The following ULK4 variants were observed in gnomAD, a reference collection of about 807,000 sequenced individuals.
ULK4 encodes inactive serine/threonine-protein kinase ULK4.
In ULK4, 133 loss-of-function variants were observed where a neutral mutation model predicts 160.6. The observed-to-expected ratio is 0.83, with a 90% CI of 0.72 to 0.96. The LOEUF is 0.96. Ranked by LOEUF, ULK4 falls within the 40% of genes least tolerant of loss-of-function variation. The pLI, the probability that ULK4 is intolerant of heterozygous loss-of-function variation, is 0.00. For missense variants in ULK4, 1,580 were observed against 1,499.5 expected (o/e 1.05, Z -0.89); for synonymous variants, 534 against 539.8 (o/e 0.99, Z 0.15).
At chr3:41,814,019 C>T (rs910021751) in intron 19 of ULK4, among the ~76,000 whole-genome samples, 8 of 152,048 alleles carry the variant, frequency 5.3e-5, no homozygotes, top group African/African-American at 1.9e-4. Context: ...TGGGGTAGAC[C>T]GCTGCCAAAG....
intron 12 of ULK4, among the ~76,000 whole-genome samples, chr3:41,901,305 G>A (rs1280551418): frequency 2.0e-5 from 3 of 146,450 alleles, no homozygotes; most frequent in South Asian, 2.2e-4. Context: ...TCAGCCTCCC[G>A]AGTAGCTGGG....
chr3:41,733,680 G>T (rs934924345), intron 22 of ULK4, among the ~76,000 whole-genome samples: 38 of 144,638 alleles, frequency 2.6e-4, no homozygotes, highest in Non-Finnish European at 4.3e-4. Context: ...TGAAAAATTA[G>T]ACTTTCATAT....
intron 34 of ULK4, among the ~76,000 whole-genome samples, chr3:41,449,547 C>A (rs2083379671): frequency 6.6e-6 from 1 of 152,062 alleles, no homozygotes; most frequent in African/African-American, 2.4e-5. Flanking sequence ...AAAAAGACTA[C>A]TACTACCCCT....
At chr3:41,273,004 T>G (rs1448702858) in intron 35 of ULK4, among the ~76,000 whole-genome samples, 1 of 152,234 alleles carries the variant, frequency 6.6e-6, no homozygotes, top group East Asian at 1.9e-4. Context: ...CATCCTTGCC[T>G]GCCCATTCTA....
At chr3:41,893,109 A>G (rs1217768162) in intron 16 of ULK4, among the ~76,000 whole-genome samples, 1 of 152,230 alleles carries the variant, frequency 6.6e-6, no homozygotes, top group Non-Finnish European at 1.5e-5. Flanking sequence ...CAAAGATAGA[A>G]TAAGTAGAGT....
intron 17 of ULK4, among the ~76,000 whole-genome samples, chr3:41,861,260 A>T (rs1366872250): frequency 1.3e-5 from 2 of 152,064 alleles, no homozygotes; most frequent in Admixed American, 6.6e-5. Flanking sequence ...CCTTCAGATG[A>T]TTATTTCTCA....
Position 41,323,700 on chromosome 3 carries a change from A to C in ULK4, c.3679-74126T>G, listed in dbSNP as rs192990539. On this transcript the variant is annotated intron_variant, in intron 35 of 36. Coordinates refer to ENST00000301831, the MANE Select transcript of ULK4 (RefSeq NM_017886.4). ...CCTCCCAGTGTCCTGTCCAAATCTC[A>C]CTCCCACGAGTGCTTACAGATGGAG... Among the ~76,000 whole-genome samples the C allele has an allele frequency of 1.1e-3, 168 of 151,148 alleles. 1 individual carries two copies. Among genetic ancestry groups the C allele is most frequent in the African/African-American group, 3.8e-3 (156 of 41,092 alleles).
intron 35 of ULK4, among the ~76,000 whole-genome samples, chr3:41,264,622 C>G (rs745880882): frequency 1.3e-5 from 2 of 152,110 alleles, no homozygotes; most frequent in Non-Finnish European, 2.9e-5. Context: ...TAAAGTCACT[C>G]AAGTACTCTT....
rs568515442 is a variant in ULK4 at position 41,403,959 on chromosome 3, T to C, written c.3493-5695A>G. 2.6e-5 allele frequency among the ~76,000 whole-genome samples: 4 copies of C among 152,308 alleles called. No individual in the cohort carries two copies. In the South Asian group the frequency reaches 8.3e-4, roughly 32 times the overall value. On this transcript the variant is annotated intron_variant, in intron 34 of 36. Transcript: ENST00000301831. The stretch of plus-strand genomic sequence containing the variant: ...GTTATTAGAGAACAATGTTCTATAC[T>C]ATTTCAATTCTTTTAATATTTCTTG...
chr3:41,565,859 T>C (rs2087763075), intron 32 of ULK4, among the ~76,000 whole-genome samples, 166 bp downstream of exon 32: 1 of 152,158 alleles, frequency 6.6e-6, no homozygotes, highest in Non-Finnish European at 1.5e-5. Flanking sequence ...TGAATTAACT[T>C]AGAGAAACCA....
At chr3:41,603,726 C>G (rs2032231709) in intron 31 of ULK4, among the ~76,000 whole-genome samples, 1 of 152,018 alleles carries the variant, frequency 6.6e-6, no homozygotes, top group Non-Finnish European at 1.5e-5. Context: ...CTGGAAGAGG[C>G]TGGGTGAAGT....
chr3:41,520,758 C>A (rs1330207251), intron 32 of ULK4, among the ~76,000 whole-genome samples: 1 of 152,150 alleles, frequency 6.6e-6, no homozygotes, highest in East Asian at 1.9e-4. Flanking sequence ...ATACTATACA[C>A]TAGGTGAAGT....
chr3:41,659,719 A>C (rs1051309547), intron 30 of ULK4, among the ~76,000 whole-genome samples: 1 of 152,208 alleles, frequency 6.6e-6, no homozygotes, highest in Admixed American at 6.5e-5. Flanking sequence ...ACATCAATAC[A>C]TTTATAGGAA....
In ULK4 at chr3:41,438,663, C is replaced by CA. The variant is rs201985554; in HGVS notation, c.3492+16833dup. ...ATCTCTACAAAAGTTAAAACAAGGACAAAAAAAAACAAACTTGGCCAGGCA... is the reference window on the plus strand; with the variant it reads ...ATCTCTACAAAAGTTAAAACAAGGACAAAAAAAAAACAAACTTGGCCAGGCA... On this transcript the variant is annotated intron_variant, in intron 34 of 36. Coordinates refer to ENST00000301831, the MANE Select transcript of ULK4 (RefSeq NM_017886.4). Among the ~76,000 whole-genome samples, 1,348 of 148,436 alleles carry CA rather than the reference C, an allele frequency of 9.1e-3. 21 individuals are homozygous for CA. The highest frequency in any genetic ancestry group is 0.029 in the African/African-American group (1,175 of 40,420).
chr3:41,292,055 G>C (rs568537099), intron 35 of ULK4, among the ~76,000 whole-genome samples: 2 of 151,618 alleles, frequency 1.3e-5, no homozygotes, highest in Admixed American at 6.6e-5. Context: ...GGATGGTCTC[G>C]ATCTCCTGAC....
At chr3:41,783,284 C>T (rs1334587239) in intron 21 of ULK4, among the ~76,000 whole-genome samples, 3 of 152,102 alleles carry the variant, frequency 2.0e-5, no homozygotes, top group South Asian at 2.1e-4. Flanking sequence ...CATCTGTAAT[C>T]CCAGCACTTT....
At chr3:41,572,999 A>G (rs1405940673) in intron 31 of ULK4, among the ~76,000 whole-genome samples, 1 of 152,142 alleles carries the variant, frequency 6.6e-6, no homozygotes, top group Non-Finnish European at 1.5e-5. Context: ...CTACACTTTA[A>G]GATTATGACG....
At chr3:41,289,807 T>TTATG (rs34876578) in intron 35 of ULK4, among the ~76,000 whole-genome samples, 313 of 147,882 alleles carry the variant, frequency 2.1e-3, no homozygotes, top group Middle Eastern at 6.8e-3. Context: ...TTAGGTCAAC[T>TTATG]TATGTATGTA....
chr3:41,785,496 C>A (rs1392106738), intron 21 of ULK4, among the ~76,000 whole-genome samples: 1 of 152,080 alleles, frequency 6.6e-6, no homozygotes, highest in Non-Finnish European at 1.5e-5. Flanking sequence ...ACAGTAATTT[C>A]TTTTATTTAA....
Sources: allele counts gnomAD v4.1 joint callset (sites outside exome capture counted in the v4.1 genomes callset), GRCh38; gene constraint gnomAD v4.1.1; transcripts MANE v1.5; gene names NCBI Gene and HGNC (gene_info 2026-07-23, HGNC 2026-07-21).